Variants in KLC1 observed in about 807,000 individuals in gnomAD.
KLC1 encodes the protein kinesin light chain 1.
A neutral mutation model predicts 84.2 loss-of-function variants in KLC1; 30 were observed. That is an observed-to-expected ratio of 0.36 (90% CI 0.27 to 0.48). The LOEUF (loss-of-function observed/expected upper bound fraction) is 0.48, where lower values mean the gene tolerates loss of function less well. Among genes scored for constraint, KLC1 ranks in the 20% least tolerant of loss-of-function variants. The pLI, the probability that KLC1 is intolerant of heterozygous loss-of-function variation, is 0.99. For synonymous variants in KLC1, 289 were observed against 293.3 expected (o/e 0.99, Z 0.15); for missense variants, 499 against 805.4 (o/e 0.62, Z 4.60).
At chr14:103,632,552 C>T (rs1470332135) in intron 1 of KLC1, among the ~76,000 whole-genome samples, 2 of 151,942 alleles carry the variant, frequency 1.3e-5, no homozygotes, top group African/African-American at 2.4e-5. Flanking sequence ...CCTGTCTCTA[C>T]TAAAAATACA....
chr14:103,664,696 A>G (rs4906355), intron 5 of KLC1, among the ~76,000 whole-genome samples: 91,776 of 151,464 alleles, frequency 0.61, 28,886 homozygotes, highest in Non-Finnish European at 0.71. Context: ...TATATATTTC[A>G]TAGAGACAGC....
chr14:103,701,477 T>A lies in KLC1; in HGVS notation c.*278T>A. On this transcript the variant is annotated 3_prime_UTR_variant, in exon 17 of 17. Coordinates refer to ENST00000334553, the MANE Select transcript of KLC1 (RefSeq NM_001394837.1). ...CCACGGCTCCCTTCCCATGTGTAAC[T>A]TCCTCACGTTGTGTGCGATAACGTA... 2.3e-6 allele frequency: 1 copy of A among 429,556 alleles called. No individual in the cohort carries two copies. Among genetic ancestry groups the A allele is most frequent in the Non-Finnish European group, 4.2e-6 (1 of 239,566 alleles). 26.6% of individuals were successfully genotyped at this position (429,556 alleles called of 1,614,324 possible).
chr14:103,653,217 G>T (rs1041277161), intron 1 of KLC1, among the ~76,000 whole-genome samples: 1 of 152,112 alleles, frequency 6.6e-6, no homozygotes, highest in Non-Finnish European at 1.5e-5. Context: ...CATCATAGCT[G>T]ACTGTCACCT....
At chr14:103,687,005 A>G in intron 13 of KLC1, 76 bp from the exon 14 acceptor site, 2 of 1,292,910 alleles carry the variant, frequency 1.5e-6, no homozygotes, top group South Asian at 2.9e-5. Context: ...TGGAGCTCTT[A>G]TTTGCACCCG....
At chr14:103,665,865 G>A (rs967585964) in intron 5 of KLC1, among the ~76,000 whole-genome samples, 1 of 152,228 alleles carries the variant, frequency 6.6e-6, no homozygotes, top group Admixed American at 6.5e-5. Context: ...CCGCACAGGC[G>A]CCACCCTGGA....
At chr14:103,638,336 C>T (rs1185892447) in intron 1 of KLC1, among the ~76,000 whole-genome samples, 3 of 152,114 alleles carry the variant, frequency 2.0e-5, no homozygotes, top group Non-Finnish European at 4.4e-5. Context: ...ATTCTGTGCA[C>T]CCAGACCTAT....
At chr14:103,679,567 C>G in intron 13 of KLC1, 22 bp downstream of exon 13, 3 of 1,586,552 alleles carry the variant, frequency 1.9e-6, no homozygotes, top group Non-Finnish European at 2.6e-6. Flanking sequence ...ACACAGCGGG[C>G]ACGTGCTCCG....
intron 13 of KLC1, among the ~76,000 whole-genome samples, chr14:103,680,919 T>C (rs138667059): frequency 6.6e-6 from 1 of 152,278 alleles, no homozygotes; most frequent in Non-Finnish European, 1.5e-5. Context: ...GATGATAAAA[T>C]GGTGACGATT....
chr14:103,694,732 G>A lies in KLC1; in HGVS notation c.1848+2307G>A, dbSNP rs2082324074. ...CTCAGCTTGCCACTGTCATGTAACA[G>A]GGTGGGTGGTGGCACAGCAGAGGCT... On this transcript the variant is annotated intron_variant, in intron 15 of 16. Transcript: ENST00000334553. This position sits in a 1 kb window ranked among gnomAD's most constrained non-coding sequence, Gnocchi z 4.5. The A allele has an allele frequency of 1.0e-6, 1 of 985,380 alleles. No individual in the cohort carries two copies. Among genetic ancestry groups the A allele is most frequent in the Admixed American group, 6.1e-5 (1 of 16,274 alleles). 61.0% of individuals were successfully genotyped at this position (985,380 alleles called of 1,614,324 possible).
At chr14:103,681,464 C>CT (rs1187965020) in intron 13 of KLC1, among the ~76,000 whole-genome samples, 2 of 151,998 alleles carry the variant, frequency 1.3e-5, no homozygotes, top group Admixed American at 6.6e-5. Context: ...TCAAAGTACA[C>CT]TTTTTCCCCC....
rs752739624 is a variant in KLC1 at position 103,670,190 on chromosome 14, G to A, written c.894G>A (p.Ala298=). 9.9e-6 allele frequency: 16 copies of A among 1,611,370 alleles called. No homozygotes were observed. Among genetic ancestry groups the A allele is most frequent in the South Asian group, 9.9e-5 (9 of 90,774 alleles). Residue 298 remains alanine, a synonymous_variant, in exon 7 of 17, where the codon GCG becomes GCA. Transcript: ENST00000334553. ...TLGKDHPAVA[A]TLNNLAVLYG... ...TCTCTCTGTGTTGACAGGTGGCGGC[G>A]ACTTTGAATAACCTTGCAGTCCTTT... is the stretch of plus-strand genomic sequence containing the variant.
chr14:103,661,606 T>C (rs1187425300), intron 3 of KLC1, among the ~76,000 whole-genome samples: 1 of 152,190 alleles, frequency 6.6e-6, no homozygotes, highest in Non-Finnish European at 1.5e-5. Context: ...TTTATTTCTT[T>C]GACTAATCAG....
chr14:103,630,371 A>T (rs2151218637), intron 1 of KLC1, among the ~76,000 whole-genome samples: 1 of 152,372 alleles, frequency 6.6e-6, no homozygotes, highest in South Asian at 2.1e-4. Flanking sequence ...TTTATTATTT[A>T]AATGAATTAA....
intron 2 of KLC1, 129 bp downstream of exon 2, chr14:103,654,954 G>A: frequency 1.9e-6 from 2 of 1,062,970 alleles, no homozygotes; most frequent in Admixed American, 5.6e-5. Flanking sequence ...GCCGAGTGCG[G>A]TGTGGCTCAG....
chr14:103,670,869 G>A (rs1449454545), intron 7 of KLC1, among the ~76,000 whole-genome samples: 2 of 151,786 alleles, frequency 1.3e-5, no homozygotes, highest in East Asian at 3.9e-4. Flanking sequence ...GATCACTTGA[G>A]CCTAGGAAGT....
intron 1 of KLC1, among the ~76,000 whole-genome samples, chr14:103,637,945 C>T (rs2077174814): frequency 6.6e-6 from 1 of 152,160 alleles, no homozygotes; most frequent in South Asian, 2.1e-4. Flanking sequence ...CTCTCCTTGG[C>T]CTCCCAAAGT....
chr14:103,698,034 C>G (rs1465639284), intron 15 of KLC1: 1 of 152,886 alleles, frequency 6.5e-6, no homozygotes, highest in East Asian at 1.9e-4. Context: ...TTGCCCAGAA[C>G]TGTGTTCCCA....
At chr14:103,695,089 CAT>C (rs2082345249) in intron 15 of KLC1, 1 of 985,004 alleles carries the variant, frequency 1.0e-6, no homozygotes, top group Admixed American at 6.2e-5. Context: ...CTAAATGCTA[CAT>C]AGAGGTGTTG....
chr14:103,657,975 G>A (rs771507917), intron 3 of KLC1, among the ~76,000 whole-genome samples, 199 bp downstream of exon 3: 38 of 152,316 alleles, frequency 2.5e-4, no homozygotes, highest in African/African-American at 8.2e-4. Flanking sequence ...GGTCTGTCCC[G>A]AGGTCTGCCC....
Sources: allele counts gnomAD v4.1 joint callset (sites outside exome capture counted in the v4.1 genomes callset), GRCh38; gene constraint gnomAD v4.1.1; non-coding constraint Gnocchi (gnomAD v3.1); transcripts MANE v1.5; gene names NCBI Gene and HGNC (gene_info 2026-07-23, HGNC 2026-07-21).